MAPRE2: variants seen among roughly 807,000 people sequenced by gnomAD.
MAPRE2 encodes the protein microtubule-associated protein RP/EB family member 2.
MAPRE2 carries 13 observed loss-of-function variants against 43.2 expected under a neutral mutation model. The observed-to-expected ratio is 0.30, with a 90% CI of 0.20 to 0.48. MAPRE2 has a LOEUF of 0.48. MAPRE2 is among the 20% of genes least tolerant of loss of function. MAPRE2 has a pLI of 0.99. For synonymous variants in MAPRE2, 135 were observed against 148.8 expected (o/e 0.91, Z 0.68); for missense variants, 161 against 400.2 (o/e 0.40, Z 5.10).
At chr18:35,103,143 T>C (rs1908755324) in intron 4 of MAPRE2, among the ~76,000 whole-genome samples, 1 of 152,196 alleles carries the variant, frequency 6.6e-6, no homozygotes, top group African/African-American at 2.4e-5. Flanking sequence ...AAAACTGGCA[T>C]TACTTTTTGA....
At chr18:35,021,667 A>G (rs1440913696) in intron 2 of MAPRE2, among the ~76,000 whole-genome samples, 1 of 152,140 alleles carries the variant, frequency 6.6e-6, no homozygotes, top group East Asian at 1.9e-4. Flanking sequence ...ATCAAAAATC[A>G]ATTGGACTTA....
chr18:35,050,588 T>A (rs1439211433), intron 1 of MAPRE2, among the ~76,000 whole-genome samples: 2 of 152,218 alleles, frequency 1.3e-5, no homozygotes, highest in African/African-American at 4.8e-5. Context: ...TGAGGATTAT[T>A]TTAAAATATC....
intron 2 of MAPRE2, among the ~76,000 whole-genome samples, chr18:35,006,457 T>A (rs780590220): frequency 1.3e-5 from 2 of 152,230 alleles, no homozygotes; most frequent in Non-Finnish European, 2.9e-5. Flanking sequence ...ATGGTGACTA[T>A]TAAAAGCTCA....
intron 2 of MAPRE2, among the ~76,000 whole-genome samples, chr18:35,096,163 G>A (rs1337184385): frequency 1.3e-5 from 2 of 152,014 alleles, no homozygotes; most frequent in African/African-American, 4.8e-5. Flanking sequence ...TTCCTAAAGT[G>A]AGTCACCCAA....
intron 1 of MAPRE2, among the ~76,000 whole-genome samples, chr18:35,065,441 A>G (rs1906787324): frequency 6.6e-6 from 1 of 152,242 alleles, no homozygotes; most frequent in Non-Finnish European, 1.5e-5. Context: ...AATAAAATTT[A>G]AATACAATAT....
At chr18:35,099,450 A>G (rs1453800881) in intron 3 of MAPRE2, among the ~76,000 whole-genome samples, 3 of 152,072 alleles carry the variant, frequency 2.0e-5, no homozygotes, top group Non-Finnish European at 4.4e-5. Flanking sequence ...CCCCATCTCT[A>G]CAAAATTTTT....
chr18:35,028,056 C>T (rs1351850263), intron 2 of MAPRE2, among the ~76,000 whole-genome samples: 1 of 152,210 alleles, frequency 6.6e-6, no homozygotes, highest in African/African-American at 2.4e-5. Flanking sequence ...GAACTTCTCA[C>T]AGGGCAGCTG....
intron 1 of MAPRE2, among the ~76,000 whole-genome samples, chr18:35,063,395 C>T (rs1239673552): frequency 1.3e-5 from 2 of 151,958 alleles, no homozygotes; most frequent in African/African-American, 4.8e-5. Flanking sequence ...GCGTGAGCCA[C>T]TGCGCCCGGC....
At chr18:35,023,958 T>C (rs1418381186) in intron 2 of MAPRE2, among the ~76,000 whole-genome samples, 1 of 152,198 alleles carries the variant, frequency 6.6e-6, no homozygotes, top group African/African-American at 2.4e-5. Context: ...GTAATAAGAA[T>C]ATGACAACCT....
intron 2 of MAPRE2, among the ~76,000 whole-genome samples, chr18:35,096,142 G>A (rs1207414843): frequency 1.3e-5 from 2 of 152,050 alleles, no homozygotes; most frequent in African/African-American, 4.8e-5. Flanking sequence ...GAGAGACAGA[G>A]CAGTTCTTGC....
At chr18:35,048,700 C>T (rs893679670) in intron 1 of MAPRE2, among the ~76,000 whole-genome samples, 1 of 148,308 alleles carries the variant, frequency 6.7e-6, no homozygotes, top group African/African-American at 2.5e-5. Flanking sequence ...ACTATATATA[C>T]TATTATATAT....
At chr18:35,103,765 A>G (rs1183991478) in intron 4 of MAPRE2, among the ~76,000 whole-genome samples, 1 of 152,190 alleles carries the variant, frequency 6.6e-6, no homozygotes, top group Non-Finnish European at 1.5e-5. Flanking sequence ...AGGGAAGCAG[A>G]AGGTAGGGAG....
chr18:35,017,241 G>GTTTTT (rs1176978251), intron 2 of MAPRE2, among the ~76,000 whole-genome samples: 3 of 51,530 alleles, frequency 5.8e-5, no homozygotes, highest in African/African-American at 2.0e-4. Flanking sequence ...CTCCGGTTTT[G>GTTTTT]TTGTTTTTTT....
intron 2 of MAPRE2, among the ~76,000 whole-genome samples, chr18:35,091,947 G>A (rs1009650433): frequency 6.6e-5 from 10 of 152,198 alleles, no homozygotes; most frequent in African/African-American, 9.6e-5. Flanking sequence ...TGCTTCTGGG[G>A]AGGCCTCAGC....
At chr18:35,019,505 G>T (rs2097040639) in intron 2 of MAPRE2, among the ~76,000 whole-genome samples, 1 of 151,962 alleles carries the variant, frequency 6.6e-6, no homozygotes, top group African/African-American at 2.4e-5. Context: ...GGATGTTAAA[G>T]TCCCCCACTA....
chr18:35,015,381 A>G (rs2097037502), intron 2 of MAPRE2, among the ~76,000 whole-genome samples: 1 of 152,132 alleles, frequency 6.6e-6, no homozygotes, highest in Admixed American at 6.6e-5. Context: ...GGTGTACCAG[A>G]TACTCTGCTA....
At chr18:35,124,772 T>C (rs1299094392) in intron 4 of MAPRE2, among the ~76,000 whole-genome samples, 1 of 152,242 alleles carries the variant, frequency 6.6e-6, no homozygotes, top group Non-Finnish European at 1.5e-5. Flanking sequence ...GGCTGGTGGC[T>C]GCCTCAGAGA....
chr18:35,041,353 C>A, upstream of MAPRE2: 1 of 1,443,246 alleles, frequency 6.9e-7, no homozygotes, highest in Non-Finnish European at 9.1e-7. Flanking sequence ...GCTGCCGGCG[C>A]TCTGACGTCA....
At chr18:35,018,245 G>C (rs997326704) in intron 2 of MAPRE2, among the ~76,000 whole-genome samples, 3 of 151,770 alleles carry the variant, frequency 2.0e-5, no homozygotes, top group African/African-American at 7.2e-5. Context: ...ATCTATGTTT[G>C]TTAGGGATAT....
Sources: allele counts gnomAD v4.1 joint callset (sites outside exome capture counted in the v4.1 genomes callset), GRCh38; gene constraint gnomAD v4.1.1; transcripts MANE v1.5; gene names NCBI Gene and HGNC (gene_info 2026-07-23, HGNC 2026-07-21).